Variants in FAM78B observed in about 807,000 individuals in gnomAD.
The protein encoded by FAM78B is protein FAM78B.
Under a neutral mutation model 20.0 loss-of-function variants are expected in FAM78B, and 10 were observed. The observed-to-expected ratio is 0.50, with a 90% CI of 0.31 to 0.85. FAM78B has a LOEUF of 0.85. FAM78B is among the 40% of genes least tolerant of loss of function. The pLI, the probability that FAM78B is intolerant of heterozygous loss-of-function variation, is 0.05. For missense variants in FAM78B, 283 were observed against 345.0 expected (o/e 0.82, Z 1.42); for synonymous variants, 135 against 132.8 (o/e 1.02, Z -0.12).
At position 166,074,001 on chromosome 1, in the gene FAM78B, C is replaced by A. The variant is rs140870336; in HGVS notation, c.264-3238G>T. On this transcript the variant is annotated intron_variant, in intron 1 of 1. Transcript: ENST00000354422. ...AATCCAAGCCCTCAGCATCTCTTAC[C>A]TGGTCTACTGGAATGGCGCATAATT... 1.8e-3 allele frequency among the ~76,000 whole-genome samples: 271 copies of A among 152,318 alleles called. No individual in the cohort carries two copies. In the South Asian group the frequency reaches 0.02, roughly 11 times the overall value.
chr1:166,160,001 C>A (rs1335086010), intron 1 of FAM78B, among the ~76,000 whole-genome samples: 1 of 152,206 alleles, frequency 6.6e-6, no homozygotes, highest in Non-Finnish European at 1.5e-5. Context: ...TTGGCATCCC[C>A]AGTGTTTCTG....
chr1:166,082,470 G>C (rs1393630609), intron 1 of FAM78B: 1 of 152,206 alleles, frequency 6.6e-6, no homozygotes, highest in Non-Finnish European at 1.5e-5. Context: ...CCCCCACAGA[G>C]TGTTGGGATT....
At chr1:166,144,187 C>A (rs1417372482) in intron 1 of FAM78B, among the ~76,000 whole-genome samples, 1 of 152,106 alleles carries the variant, frequency 6.6e-6, no homozygotes, top group Non-Finnish European at 1.5e-5. Context: ...GAACGCCAAA[C>A]TCTAAATTTC....
rs1185036960 is a variant in FAM78B at position 166,077,733 on chromosome 1, TATA to T, written c.264-6973_264-6971del. On this transcript the variant is annotated intron_variant, in intron 1 of 1. Transcript: ENST00000354422. ...CATATAATTACATATATTTATAAAT[TATA>T]ATAAATACATATAATTACATATATT... 2.4e-4 allele frequency among the ~76,000 whole-genome samples: 29 copies of T among 123,130 alleles called. No individual in the cohort carries two copies. The East Asian group carries it at 4.5e-3, about 19-fold the overall frequency. 80.8% of individuals were successfully genotyped at this position (123,130 alleles called of 152,430 possible).
intron 1 of FAM78B, among the ~76,000 whole-genome samples, chr1:166,088,002 C>T (rs974369057): frequency 6.6e-6 from 1 of 152,132 alleles, no homozygotes; most frequent in African/African-American, 2.4e-5. Context: ...TTACCTTCTG[C>T]ACCCTGGGGA....
intron 1 of FAM78B, among the ~76,000 whole-genome samples, chr1:166,157,418 A>G (rs1655951664): frequency 6.6e-6 from 1 of 151,280 alleles, no homozygotes; most frequent in Admixed American, 6.6e-5. Flanking sequence ...GGACCTGCCA[A>G]AGGTCATGCA....
intron 1 of FAM78B, among the ~76,000 whole-genome samples, chr1:166,082,252 T>TC (rs1652612701): frequency 6.6e-6 from 1 of 152,174 alleles, no homozygotes; most frequent in Non-Finnish European, 1.5e-5. Flanking sequence ...TTCAGCAACT[T>TC]CAACTTTTTT....
At chr1:166,084,243 T>A (rs201374655) in intron 1 of FAM78B, among the ~76,000 whole-genome samples, 19,032 of 95,762 alleles carry the variant, frequency 0.2, 1,022 homozygotes, top group East Asian at 0.3. Context: ...ACACACTCTC[T>A]CTCTCTCTCT....
At chr1:166,109,814 GTATATATATATATATATGTATATATGTA>G (rs1653929098) in intron 1 of FAM78B, among the ~76,000 whole-genome samples, 1 of 32,648 alleles carries the variant, frequency 3.1e-5, no homozygotes, top group African/African-American at 9.8e-5. Context: ...ATGTATATAT[GTATATATATATATATATGTATATATGTA>G]TATATATATA....
intron 1 of FAM78B, among the ~76,000 whole-genome samples, chr1:166,110,714 C>T (rs1175226869): frequency 2.0e-5 from 3 of 152,154 alleles, no homozygotes; most frequent in African/African-American, 7.2e-5. Flanking sequence ...GAGAGTAGAG[C>T]CTATGCGCCC....
chr1:166,120,981 C>T (rs971626307), intron 1 of FAM78B, among the ~76,000 whole-genome samples: 6 of 152,220 alleles, frequency 3.9e-5, no homozygotes, highest in African/African-American at 1.4e-4. Context: ...TGGATGTTGT[C>T]ACCAGAGCTT....
In FAM78B at chr1:166,166,392, G is replaced by A. The variant is rs1476644715; in HGVS notation, c.-144C>T. The A allele has an allele frequency of 1.5e-6, 1 of 685,124 alleles. No homozygotes were observed. The highest frequency in any genetic ancestry group is 1.8e-6 in the Non-Finnish European group (1 of 547,944). The allele number at this position is 685,124 out of a possible 1,614,324, so 42.4% of individuals were successfully genotyped here. On this transcript the variant is annotated 5_prime_UTR_variant, in exon 1 of 2. Coordinates refer to ENST00000354422, the MANE Select transcript of FAM78B (RefSeq NM_001017961.5). ...TCGCACCTAGGAGCGGGGAGCCGCC[G>A]GGCATCCTTGGGGAAGCCCCCTCCT...
At chr1:166,141,214 T>C (rs1159986258) in intron 1 of FAM78B, among the ~76,000 whole-genome samples, 1 of 152,196 alleles carries the variant, frequency 6.6e-6, no homozygotes, top group African/African-American at 2.4e-5. Flanking sequence ...ATGTGCAACG[T>C]ACATAGGTCT....
Position 166,166,789 on chromosome 1 carries a change from A to AGCGG in FAM78B, c.-545_-542dup, listed in dbSNP as rs1339174851. 6.7e-6 allele frequency: 1 copy of AGCGG among 148,994 alleles called. No homozygotes were observed. Among genetic ancestry groups the AGCGG allele is most frequent in the Non-Finnish European group, 1.5e-5 (1 of 67,266 alleles). 9.2% of individuals were successfully genotyped at this position (148,994 alleles called of 1,614,324 possible). A position where few individuals can be genotyped will look rare whatever the true frequency, so the allele number is the denominator to read the frequency against. On this transcript the variant is annotated 5_prime_UTR_variant, in exon 1 of 2. It introduces an in-frame stop codon into an upstream open reading frame of the 5' UTR. Coordinates refer to ENST00000354422, the MANE Select transcript of FAM78B (RefSeq NM_001017961.5). The stretch of plus-strand genomic sequence containing the variant: ...CGTGCAGCGCACCCAGCGGCGGGCG[A>AGCGG]GCGGGCGGCCCAAGAGGCAGGCGGA...
chr1:166,161,816 T>G (rs553658301), intron 1 of FAM78B, among the ~76,000 whole-genome samples: 2 of 152,212 alleles, frequency 1.3e-5, no homozygotes, highest in Admixed American at 6.5e-5. Context: ...GTGGGAGCTA[T>G]AGTGGGGATC....
chr1:166,135,297 G>A (rs897928790), intron 1 of FAM78B, among the ~76,000 whole-genome samples: 3 of 152,204 alleles, frequency 2.0e-5, no homozygotes, highest in African/African-American at 7.2e-5. Context: ...CATCTTGAAA[G>A]CACATTCTTT....
At position 166,105,488 on chromosome 1, in the gene FAM78B, T is replaced by C. The variant is rs995546558; in HGVS notation, c.264-34725A>G. ...AAGGGCTAATATCCAGAATCTACAA[T>C]GAACTCAAACAAACTTACAAGAAAA... On this transcript the variant is annotated intron_variant, in intron 1 of 1. Transcript: ENST00000354422. Among the ~76,000 whole-genome samples, 6 of 152,138 alleles carry C rather than the reference T, an allele frequency of 3.9e-5. No homozygotes were observed. The South Asian group carries it at 1.0e-3, about 26-fold the overall frequency.
intron 1 of FAM78B, among the ~76,000 whole-genome samples, chr1:166,084,937 C>T (rs569923604): frequency 7.2e-5 from 11 of 152,342 alleles, no homozygotes; most frequent in African/African-American, 2.4e-4. Context: ...GCCTTAACAC[C>T]GTGAACACCT....
chr1:166,070,214 T>C lies in FAM78B; in HGVS notation c.*27A>G. ...CACTGCATGTCTCAGAGGCGTGTGA[T>C]CCACACACAGTCAGGCCAGTCTGCT... On this transcript the variant is annotated 3_prime_UTR_variant, in exon 2 of 2. Transcript: ENST00000354422. The C allele has an allele frequency of 6.6e-7, 1 of 1,504,764 alleles. No individual in the cohort carries two copies. Among genetic ancestry groups the C allele is most frequent in the Non-Finnish European group, 8.9e-7 (1 of 1,125,782 alleles). The allele number at this position is 1,504,764 out of a possible 1,614,324, so 93.2% of individuals were successfully genotyped here.
Sources: gnomAD v4.1 joint callset for allele counts (sites outside exome capture counted in the v4.1 genomes callset) on GRCh38, gnomAD v4.1.1 for gene constraint, MANE v1.5 for transcripts, NCBI Gene and HGNC (gene_info 2026-07-23, HGNC 2026-07-21) for gene names.